Variants in ATR observed in about 807,000 individuals in gnomAD.
The protein encoded by ATR is ATR checkpoint kinase, also known as serine/threonine-protein kinase ATR.
In ATR, 142 loss-of-function variants were observed where a neutral mutation model predicts 305.3. The observed-to-expected ratio is 0.47, with a 90% CI of 0.41 to 0.53. The LOEUF is 0.53. Among genes scored for constraint, ATR ranks in the 20% least tolerant of loss-of-function variants. The pLI, the probability that ATR is intolerant of heterozygous loss-of-function variation, is 0.00. For missense variants in ATR, 2,135 were observed against 3,133.1 expected, an observed-to-expected ratio of 0.68 and a Z score of 7.60; for synonymous variants, 1,050 against 1,068.1, an observed-to-expected ratio of 0.98 and a Z score of 0.33.
At chr3:142,470,037 C>T (rs747017454) in intron 37 of ATR, 49 bp downstream of exon 37, 2 of 1,445,742 alleles carry the variant, frequency 1.4e-6, no homozygotes, top group East Asian at 2.3e-5. Flanking sequence ...GACTTTATAC[C>T]AAAGTTATAA....
At chr3:142,473,990 G>A (rs6776083) in intron 36 of ATR, among the ~76,000 whole-genome samples, 7,298 of 141,502 alleles carry the variant, frequency 0.052, 632 homozygotes, top group African/African-American at 0.18. Context: ...GCAGAGGCAC[G>A]ATCTTGGTTC....
At position 142,550,247 on chromosome 3, in the gene ATR, C is replaced by T. The variant is rs751341031; in HGVS notation, c.2861G>A (p.Cys954Tyr). The T allele has an allele frequency of 3.1e-6, 5 of 1,614,028 alleles. No individual in the cohort carries two copies. In the Admixed American group the frequency reaches 5.0e-5, roughly 16 times the overall value. The change falls in exon 14 of 47, where the codon TGC (cysteine) becomes TAC (tyrosine). Residue 954 changes from cysteine (C) to tyrosine (Y), a missense_variant. Cys to Tyr is a radical substitution (Grantham distance 194). This residue lies in a region of ATR where 530 missense variants were observed against 766.8 expected (regional missense o/e 0.69). Coordinates refer to ENST00000350721, the MANE Select transcript of ATR (RefSeq NM_001184.4). ...TTGTTTTCGCACGTCAGCATTCTGG[C>T]ATGGAGTATTCGGAAGTGCTGTCAT... ...SQMTALPNTP[C>Y]QNADVRKQDV...
At chr3:142,539,207 T>C (rs983397945) in intron 18 of ATR, among the ~76,000 whole-genome samples, 3 of 152,096 alleles carry the variant, frequency 2.0e-5, no homozygotes, top group Non-Finnish European at 4.4e-5. Flanking sequence ...TTAGAAGCAA[T>C]GACAGTAGGC....
At chr3:142,554,122 T>G (rs1388431077) in intron 10 of ATR, 107 bp from the exon 11 acceptor site, 1 of 952,708 alleles carries the variant, frequency 1.0e-6, no homozygotes, top group Middle Eastern at 3.4e-4. Context: ...CTAAGTTCTC[T>G]TATAATGTCA....
intron 35 of ATR, among the ~76,000 whole-genome samples, chr3:142,488,177 G>A (rs1341791050): frequency 6.6e-6 from 1 of 152,112 alleles, no homozygotes; most frequent in Non-Finnish European, 1.5e-5. Context: ...GTTGACAGTG[G>A]TGGTGTTTCT....
At chr3:142,549,724 A>G in intron 14 of ATR, 51 bp from the exon 15 acceptor site, 1 of 1,543,790 alleles carries the variant, frequency 6.5e-7, no homozygotes, top group Non-Finnish European at 8.9e-7. Flanking sequence ...TGGGTGAAAA[A>G]AATATTCACA....
At chr3:142,523,856 A>G (rs2033258416) in intron 22 of ATR, 137 bp downstream of exon 22, 1 of 943,030 alleles carries the variant, frequency 1.1e-6, no homozygotes, top group African/African-American at 1.7e-5. Flanking sequence ...AAAAGAAATA[A>G]ACTCAGAAGT....
chr3:142,503,931 T>C (rs1376195592), intron 29 of ATR, among the ~76,000 whole-genome samples: 1 of 152,234 alleles, frequency 6.6e-6, no homozygotes, highest in Non-Finnish European at 1.5e-5. Flanking sequence ...TTGTCATATT[T>C]CTCACATAAA....
At chr3:142,473,546 T>G (rs1316827614) in intron 36 of ATR, among the ~76,000 whole-genome samples, 1 of 151,726 alleles carries the variant, frequency 6.6e-6, no homozygotes, top group Non-Finnish European at 1.5e-5. Context: ...TCAGCTTTAT[T>G]CTTTTTTTTT....
rs541616650 is a variant in ATR, at chr3:142,559,587, T to C, written c.1542-146A>G. On this transcript the variant is annotated intron_variant, in intron 6 of 46. Transcript: ENST00000350721. ...AAGTAAACATGCAAATCAAGTAATA[T>C]GTTATTACTATTTTAAGTTGAATCT... 1.2e-4 allele frequency: 91 copies of C among 779,934 alleles called. 2 individuals carry two copies. In the South Asian group the frequency reaches 1.3e-3, roughly 11 times the overall value. 48.3% of individuals were successfully genotyped at this position (779,934 alleles called of 1,614,324 possible).
At chr3:142,503,899 T>C (rs1209840848) in intron 29 of ATR, among the ~76,000 whole-genome samples, 2 of 152,238 alleles carry the variant, frequency 1.3e-5, no homozygotes, top group Non-Finnish European at 2.9e-5. Flanking sequence ...GTATCTAATA[T>C]CTTTGATATT....
chr3:142,468,346 A>C (rs559098430), intron 38 of ATR, among the ~76,000 whole-genome samples: 39 of 152,252 alleles, frequency 2.6e-4, no homozygotes, highest in African/African-American at 9.4e-4. Context: ...TTGCAAGAAA[A>C]ATAGAAATAA....
chr3:142,566,227 C>T lies in ATR; in HGVS notation c.186G>A (p.Gln62=), dbSNP rs2108494453. ...AATCAAGCAACATCACGGAGGTTGG[C>T]TGAGAGTCAGTTTTCTTTACAAGTT... is the stretch of plus-strand genomic sequence containing the variant. The part of the protein sequence containing the change: ...AVELVKKTDS[Q]PTSVMLLDFI... The change falls in exon 3 of 47, where the codon CAG becomes CAA. Residue 62 remains glutamine, a synonymous_variant. Transcript: ENST00000350721. The T allele has an allele frequency of 6.2e-7, 1 of 1,614,012 alleles. No homozygotes were observed. Among genetic ancestry groups the T allele is most frequent in the East Asian group, 2.2e-5 (1 of 44,868 alleles).
intron 1 of ATR, among the ~76,000 whole-genome samples, chr3:142,573,506 TAA>T (rs1180331616): frequency 7.5e-6 from 1 of 133,054 alleles, no homozygotes; most frequent in African/African-American, 2.8e-5. Flanking sequence ...ATAAAGTCCT[TAA>T]AAAAAAAAAA....
chr3:142,462,533 A>G (rs1336366723), intron 41 of ATR, among the ~76,000 whole-genome samples: 1 of 151,804 alleles, frequency 6.6e-6, no homozygotes, highest in Non-Finnish European at 1.5e-5. Context: ...CAGTGGCTCA[A>G]TCTCGGCTCA....
At chr3:142,557,923 G>A (rs550490629) in intron 8 of ATR, among the ~76,000 whole-genome samples, 5 of 152,008 alleles carry the variant, frequency 3.3e-5, no homozygotes, top group Admixed American at 6.6e-5. Flanking sequence ...GTGAGCCACC[G>A]TGCCTGGCCT....
At chr3:142,472,483 T>G (rs879479298) in intron 36 of ATR, 1 of 152,280 alleles carries the variant, frequency 6.6e-6, no homozygotes, top group East Asian at 1.9e-4. Flanking sequence ...AGGTGACATC[T>G]CATTGTGGTT....
chr3:142,486,821 AATT>A (rs1314527558), intron 35 of ATR, among the ~76,000 whole-genome samples: 1 of 151,794 alleles, frequency 6.6e-6, no homozygotes, highest in Non-Finnish European at 1.5e-5. Context: ...ATACTATAAT[AATT>A]ATTATTATTG....
At chr3:142,472,816 T>C (rs2108284986) in intron 36 of ATR, among the ~76,000 whole-genome samples, 1 of 152,110 alleles carries the variant, frequency 6.6e-6, no homozygotes, top group South Asian at 2.1e-4. Flanking sequence ...TTTTGTATTT[T>C]TTTGTAGAGA....
Sources: allele counts gnomAD v4.1 joint callset (sites outside exome capture counted in the v4.1 genomes callset), GRCh38; gene constraint gnomAD v4.1.1; regional missense constraint gnomAD v4.1.1; transcripts MANE v1.5; gene names NCBI Gene and HGNC (gene_info 2026-07-23, HGNC 2026-07-21).